The following UNC5D variants were observed in gnomAD, a reference collection of about 807,000 sequenced individuals.
UNC5D encodes the protein unc-5 netrin receptor D.
UNC5D carries 39 observed loss-of-function variants against 105.4 expected under a neutral mutation model. That is an observed-to-expected ratio of 0.37 (90% confidence interval 0.29 to 0.48). The LOEUF (loss-of-function observed/expected upper bound fraction) is 0.48, where lower values mean the gene tolerates loss of function less well. Among genes scored for constraint, UNC5D ranks in the 20% least tolerant of loss-of-function variants. The pLI is 0.98. For synonymous variants in UNC5D, 452 were observed against 450.4 expected, an observed-to-expected ratio of 1.00 and a Z score of -0.04; for missense variants, 991 against 1,202.4, an observed-to-expected ratio of 0.82 and a Z score of 2.60.
At chr8:35,716,622 A>T (rs1198525867) in intron 8 of UNC5D, among the ~76,000 whole-genome samples, 1 of 152,252 alleles carries the variant, frequency 6.6e-6, no homozygotes, top group African/African-American at 2.4e-5. Context: ...GTCCTAGAAC[A>T]GTGCCTTCTA....
intron 8 of UNC5D, among the ~76,000 whole-genome samples, chr8:35,718,433 G>A (rs1340173640): frequency 6.6e-6 from 1 of 152,166 alleles, no homozygotes; most frequent in African/African-American, 2.4e-5. Flanking sequence ...AGTCCTGGCA[G>A]CAGGGGTTCT....
chr8:35,359,815 A>T (rs561598806), intron 1 of UNC5D, among the ~76,000 whole-genome samples: 4 of 152,316 alleles, frequency 2.6e-5, no homozygotes, highest in African/African-American at 9.6e-5. Context: ...ATAACATAAA[A>T]GCCTGGAAGT....
intron 1 of UNC5D, among the ~76,000 whole-genome samples, chr8:35,314,415 G>T (rs368425726): frequency 6.6e-6 from 1 of 152,168 alleles, no homozygotes; most frequent in South Asian, 2.1e-4. Flanking sequence ...TTTTTGTATC[G>T]TTGGTTTCTG....
intron 16 of UNC5D, among the ~76,000 whole-genome samples, chr8:35,783,628 T>C (rs909482382): frequency 2.0e-5 from 3 of 152,290 alleles, no homozygotes; most frequent in Non-Finnish European, 2.9e-5. Context: ...TTCCTTTCCA[T>C]TGCTGTTATC....
chr8:35,262,941 A>G (rs1051364538), intron 1 of UNC5D, among the ~76,000 whole-genome samples: 2 of 152,168 alleles, frequency 1.3e-5, no homozygotes, highest in Non-Finnish European at 1.5e-5. Flanking sequence ...ATCACTCCCC[A>G]AAAAGCAACA....
At chr8:35,561,307 A>G (rs373574245) in intron 2 of UNC5D, among the ~76,000 whole-genome samples, 8 of 152,104 alleles carry the variant, frequency 5.3e-5, no homozygotes, top group South Asian at 2.1e-4. Flanking sequence ...AAGCTAGCCA[A>G]TCCCAGCATA....
chr8:35,736,028 C>A (rs1230819095), intron 11 of UNC5D, among the ~76,000 whole-genome samples: 1 of 151,998 alleles, frequency 6.6e-6, no homozygotes, highest in African/African-American at 2.4e-5. Context: ...TTATAGTAGA[C>A]ATTTGTGGCT....
At chr8:35,478,647 G>C (rs1482818675) in intron 1 of UNC5D, among the ~76,000 whole-genome samples, 2 of 152,122 alleles carry the variant, frequency 1.3e-5, no homozygotes, top group Non-Finnish European at 2.9e-5. Flanking sequence ...AATCAGCATT[G>C]AGTCCTGATC....
intron 11 of UNC5D, among the ~76,000 whole-genome samples, chr8:35,744,747 AGG>A (rs1829921633): frequency 6.6e-6 from 1 of 152,068 alleles, no homozygotes; most frequent in African/African-American, 2.4e-5. Context: ...TGACCTAAGC[AGG>A]AAAAAAAAAT....
At chr8:35,600,071 G>C (rs1586217678) in intron 4 of UNC5D, among the ~76,000 whole-genome samples, 1 of 151,854 alleles carries the variant, frequency 6.6e-6, no homozygotes, top group African/African-American at 2.4e-5. Context: ...TTTGTCCTTG[G>C]GATAGTTTGC....
chr8:35,480,314 T>G (rs1810397854), intron 1 of UNC5D, among the ~76,000 whole-genome samples: 1 of 152,182 alleles, frequency 6.6e-6, no homozygotes, highest in African/African-American at 2.4e-5. Flanking sequence ...TCTGCTAACT[T>G]AAATTATAAA....
chr8:35,417,032 C>T (rs1805575784), intron 1 of UNC5D, among the ~76,000 whole-genome samples: 1 of 152,150 alleles, frequency 6.6e-6, no homozygotes, highest in African/African-American at 2.4e-5. Flanking sequence ...ATATTAATCA[C>T]ATCATGGAGA....
chr8:35,249,065 A>T (rs1247812459), intron 1 of UNC5D, among the ~76,000 whole-genome samples: 1 of 117,958 alleles, frequency 8.5e-6, no homozygotes, highest in Non-Finnish European at 1.6e-5. Context: ...TATATAAAAT[A>T]TATATAATAT....
chr8:35,473,417 A>G (rs1162092035), intron 1 of UNC5D, among the ~76,000 whole-genome samples: 1 of 152,198 alleles, frequency 6.6e-6, no homozygotes, highest in Non-Finnish European at 1.5e-5. Context: ...GTATGCATCC[A>G]ATAAGTATTT....
In UNC5D at chr8:35,703,383, G is replaced by A. The variant is rs1241605279; in HGVS notation, c.1085-2546G>A. ...TCCCATTTTACTGTGAGAATACTGA[G>A]GACACACGGAATGTAGACAACTGAA... On this transcript the variant is annotated intron_variant, in intron 7 of 16. Transcript: ENST00000404895. Among the ~76,000 whole-genome samples the A allele has an allele frequency of 3.9e-5, 6 of 152,070 alleles. No homozygotes were observed. The East Asian group carries it at 1.2e-3, about 29-fold the overall frequency.
intron 1 of UNC5D, among the ~76,000 whole-genome samples, chr8:35,461,697 C>A (rs1808907988): frequency 6.6e-6 from 1 of 152,202 alleles, no homozygotes; most frequent in African/African-American, 2.4e-5. Flanking sequence ...GCGCTCACAG[C>A]ACCCCAGTGA....
chr8:35,570,531 A>G (rs1189281532), intron 3 of UNC5D, among the ~76,000 whole-genome samples: 6 of 152,188 alleles, frequency 3.9e-5, no homozygotes, highest in African/African-American at 1.4e-4. Context: ...CCTTATTTAA[A>G]CAAATTGAAT....
chr8:35,549,560 C>T, intron 2 of UNC5D, 50 bp downstream of exon 2: 1 of 1,549,938 alleles, frequency 6.5e-7, no homozygotes, highest in Non-Finnish European at 8.8e-7. Flanking sequence ...TTTAGGTTCT[C>T]CTGTGGTTAT....
chr8:35,714,416 A>G (rs528215003), intron 8 of UNC5D, among the ~76,000 whole-genome samples: 9 of 152,372 alleles, frequency 5.9e-5, no homozygotes, highest in African/African-American at 2.2e-4. Flanking sequence ...AAGATGAGGC[A>G]GGAGATGTTA....
Sources: gnomAD v4.1 joint callset for allele counts (sites outside exome capture counted in the v4.1 genomes callset) on GRCh38, gnomAD v4.1.1 for gene constraint, MANE v1.5 for transcripts, NCBI Gene and HGNC (gene_info 2026-07-23, HGNC 2026-07-21) for gene names.